The following SLC7A5 variants were observed in gnomAD, a reference collection of about 807,000 sequenced individuals.
SLC7A5 encodes large neutral amino acids transporter small subunit 1.
SLC7A5 carries 23 observed loss-of-function variants against 50.2 expected under a neutral mutation model. The ratio of observed to expected loss-of-function variants is 0.46; its 90% CI spans 0.33 to 0.65. The LOEUF is 0.65. Ranked by LOEUF, SLC7A5 falls within the 30% of genes least tolerant of loss-of-function variation. SLC7A5 has a pLI of 0.02. For missense variants in SLC7A5, 578 were observed against 684.4 expected, an observed-to-expected ratio of 0.84 and a Z score of 1.73; for synonymous variants, 393 against 330.6, an observed-to-expected ratio of 1.19 and a Z score of -2.05.
chr16:87,859,673 G>C (rs2055364111), intron 1 of SLC7A5, among the ~76,000 whole-genome samples: 3 of 152,170 alleles, frequency 2.0e-5, no homozygotes, highest in Admixed American at 1.3e-4. Flanking sequence ...TGGCTCAGTG[G>C]CTCATGCCTG....
At position 87,858,119 on chromosome 16, in the gene SLC7A5, C is replaced by A. The variant is rs561712388; in HGVS notation, c.539-6270G>T. On this transcript the variant is annotated intron_variant, in intron 1 of 9. Transcript: ENST00000261622. Reference sequence around the variant, plus strand: ...CCAGGGCTGACAGGAAGGGCCACCGCTCCCTCTGAAACTCTGAAACCAGGC... The same window carrying A: ...CCAGGGCTGACAGGAAGGGCCACCGATCCCTCTGAAACTCTGAAACCAGGC... Among the ~76,000 whole-genome samples the A allele has an allele frequency of 6.4e-4, 97 of 152,326 alleles. 1 individual carries two copies. Among genetic ancestry groups the A allele is most frequent in the African/African-American group, 2.2e-3 (92 of 41,578 alleles).
Position 87,851,757 on chromosome 16 carries a change from T to C in SLC7A5, c.631A>G (p.Ile211Val). The C allele has an allele frequency of 6.2e-7, 1 of 1,613,050 alleles. No homozygotes were observed. The highest frequency in any genetic ancestry group is 2.2e-5 in the East Asian group (1 of 44,866). ...AAAKLLALAL[I>V]ILLGFVQIGK... The stretch of plus-strand genomic sequence containing the variant: ...ATCTGGACGAAGCCCAGCAGGATGA[T>C]CAGGGCCAGGGCCAGGAGCTTGGCG... The change falls in exon 2 of 10, where the codon ATC (isoleucine) becomes GTC (valine). Residue 211 changes from isoleucine (I) to valine (V), a missense_variant. By Grantham distance (29) the Ile-to-Val change is conservative. Transcript: ENST00000261622.
At chr16:87,838,892 T>C in intron 5 of SLC7A5, 75 bp from the exon 6 acceptor site, 1 of 1,083,286 alleles carries the variant, frequency 9.2e-7, no homozygotes, top group Non-Finnish European at 1.4e-6. Flanking sequence ...GGGAGCCCTC[T>C]GCACCGGGCC....
intron 2 of SLC7A5, among the ~76,000 whole-genome samples, chr16:87,842,036 G>A (rs925951722): frequency 3.3e-5 from 5 of 152,134 alleles, no homozygotes; most frequent in Admixed American, 1.3e-4. Context: ...TGGTGTGTTC[G>A]AGCCCGGAAT....
chr16:87,836,399 G>A, intron 8 of SLC7A5, 99 bp downstream of exon 8: 2 of 1,402,458 alleles, frequency 1.4e-6, no homozygotes, highest in South Asian at 1.2e-5. Flanking sequence ...CAGGTCCAGA[G>A]GCTGAGCTGG....
At position 87,853,229 on chromosome 16, in the gene SLC7A5, C is replaced by G. The variant is rs544505317; in HGVS notation, c.539-1380G>C. On this transcript the variant is annotated intron_variant, in intron 1 of 9. Coordinates refer to ENST00000261622, the MANE Select transcript of SLC7A5 (RefSeq NM_003486.7). The surrounding 1 kb of genome is among the most constrained non-coding windows in gnomAD (Gnocchi z 4.4). ...ATCTTACAATGTAAGCAACAGACCC[C>G]GAGGAAAGACATCCATGCTAATTAA... is the stretch of plus-strand genomic sequence containing the variant. Among the ~76,000 whole-genome samples the G allele has an allele frequency of 2.0e-5, 3 of 152,178 alleles. No individual in the cohort carries two copies. Among genetic ancestry groups the G allele is most frequent in the Non-Finnish European group, 4.4e-5 (3 of 68,026 alleles).
rs1015573132 is a variant in SLC7A5, at chr16:87,869,478, G to C, written c.-56C>G. 2.6e-6 allele frequency: 3 copies of C among 1,174,046 alleles called. No homozygotes were observed. In the African/African-American group the frequency reaches 4.9e-5, roughly 19 times the overall value. The allele number at this position is 1,174,046 out of a possible 1,614,324, so 72.7% of individuals were successfully genotyped here. ...CGGGAGCCGCGGCCCAGCGAGCAGTGTGCGCGCCGCCCGCCGCCCGCAGCT... is the reference window on the plus strand; with the variant it reads ...CGGGAGCCGCGGCCCAGCGAGCAGTCTGCGCGCCGCCCGCCGCCCGCAGCT... On this transcript the variant is annotated 5_prime_UTR_variant, in exon 1 of 10. Transcript: ENST00000261622.
chr16:87,840,434 G>A lies in SLC7A5; in HGVS notation c.810C>T (p.Pro270=), dbSNP rs767228801. The A allele has an allele frequency of 1.2e-6, 2 of 1,612,128 alleles. No homozygotes were observed. The highest frequency in any genetic ancestry group is 2.2e-5 in the South Asian group (2 of 91,038). ...CCATCCATTCTTGCACGTACCTGTA[G>A]GGGTTGATCATTTCCTCTGTGACGA... ...LNFVTEEMIN[P]YRNLPLAIII... is the part of the protein sequence containing the mutation. Residue 270 remains proline, a synonymous_variant, in exon 4 of 10, where the codon CCC becomes CCT. Coordinates refer to ENST00000261622, the MANE Select transcript of SLC7A5 (RefSeq NM_003486.7).
At chr16:87,836,679 G>A in intron 7 of SLC7A5, 32 bp from the exon 8 acceptor site, 1 of 1,607,980 alleles carries the variant, frequency 6.2e-7, no homozygotes, top group Non-Finnish European at 8.5e-7. Context: ...CTGAGCCCTG[G>A]GGCCCACGAG....
At position 87,838,681 on chromosome 16, in the gene SLC7A5, T is replaced by G. The variant is rs772231895; in HGVS notation, c.1043+33A>C. 19 of 1,525,376 alleles carry G rather than the reference T, an allele frequency of 1.2e-5. No individual in the cohort carries two copies. In the African/African-American group the frequency reaches 2.2e-4, roughly 18 times the overall value. The allele number at this position is 1,525,376 out of a possible 1,614,324, so 94.5% of individuals were successfully genotyped here. A position where few individuals can be genotyped will look rare whatever the true frequency, so the allele number is the denominator to read the frequency against. ...TGAACCTGGCCATGAGGCCTGGGCC[T>G]CCCTCACCTGTGGTGGGTCGGGCTG... On this transcript the variant is annotated intron_variant, in intron 6 of 9. Transcript: ENST00000261622.
intron 1 of SLC7A5, among the ~76,000 whole-genome samples, chr16:87,855,956 C>T (rs73234418): frequency 0.28 from 42,946 of 152,098 alleles, 7,281 homozygotes; most frequent in African/African-American, 0.47. Flanking sequence ...CTCCCTGGGC[C>T]GCCGGTCCTC....
At chr16:87,842,575 C>T (rs927614487) in intron 2 of SLC7A5, among the ~76,000 whole-genome samples, 3 of 152,220 alleles carry the variant, frequency 2.0e-5, no homozygotes, top group African/African-American at 7.2e-5. Flanking sequence ...CCTGCTTCCC[C>T]GTGGCGTGCT....
chr16:87,840,646 G>A (rs1023640164), intron 3 of SLC7A5, among the ~76,000 whole-genome samples, 173 bp from the exon 4 acceptor site: 8 of 152,154 alleles, frequency 5.3e-5, no homozygotes, highest in Non-Finnish European at 1.0e-4. Context: ...GTTCCGGGGG[G>A]TCCCTGCTAC....
chr16:87,851,635 G>A, intron 2 of SLC7A5, 89 bp downstream of exon 2: 1 of 1,508,670 alleles, frequency 6.6e-7, no homozygotes, highest in Non-Finnish European at 9.1e-7. Flanking sequence ...CGGACTGGGA[G>A]GCACCCGGGG....
chr16:87,845,228 G>A (rs2055136686), intron 2 of SLC7A5, among the ~76,000 whole-genome samples: 1 of 152,232 alleles, frequency 6.6e-6, no homozygotes, highest in African/African-American at 2.4e-5. Flanking sequence ...TCAGGGGCAG[G>A]ACAGCTGCAG....
chr16:87,849,713 C>A (rs949734950), intron 2 of SLC7A5, among the ~76,000 whole-genome samples: 1 of 152,098 alleles, frequency 6.6e-6, no homozygotes, highest in Non-Finnish European at 1.5e-5. Flanking sequence ...GCTCGTCTTG[C>A]CTTGAGTAAG....
In SLC7A5 at chr16:87,852,316, A is replaced by T. The variant is rs367797039; in HGVS notation, c.539-467T>A. Among the ~76,000 whole-genome samples the T allele has an allele frequency of 5.3e-5, 8 of 152,032 alleles. No individual in the cohort carries two copies. In the East Asian group the frequency reaches 7.7e-4, roughly 15 times the overall value. The stretch of plus-strand genomic sequence containing the variant: ...TCCATGAGGGCGGGGCCCTTTCCTC[A>T]AAGAGGATCTTCTGTGGATTCCAAC... On this transcript the variant is annotated intron_variant, in intron 1 of 9. Transcript: ENST00000261622. This position sits in a 1 kb window ranked among gnomAD's most constrained non-coding sequence, Gnocchi z 4.5.
rs1360588521 is a variant in SLC7A5, at chr16:87,850,561, T to C, written c.664+1163A>G. On this transcript the variant is annotated intron_variant, in intron 2 of 9. Transcript: ENST00000261622. ...AAGCTCCACAGCTCCAGGACTGGGA[T>C]CATCTCTACCTGAGGCTCTGGGAGA... Among the ~76,000 whole-genome samples the C allele has an allele frequency of 3.3e-5, 5 of 152,172 alleles. 1 individual carries two copies. The South Asian group carries it at 1.0e-3, about 31-fold the overall frequency.
chr16:87,838,291 C>CTT lies in SLC7A5; in HGVS notation c.1044-352_1044-351dup, dbSNP rs58144270. On this transcript the variant is annotated intron_variant, in intron 6 of 9. Transcript: ENST00000261622. ...CTGTATTATTTGGGCTTGCTGCTGC[C>CTT]TTTTTTTTTTTTTTTTTTTTGAGAT... Among the ~76,000 whole-genome samples, 143 of 120,042 alleles carry CTT rather than the reference C, an allele frequency of 1.2e-3. 1 individual carries two copies. The highest frequency in any genetic ancestry group is 4.2e-3 in the Middle Eastern group (1 of 236). The allele number at this position is 120,042 out of a possible 152,430, so 78.8% of individuals were successfully genotyped here.
Sources: gnomAD v4.1 joint callset for allele counts (sites outside exome capture counted in the v4.1 genomes callset) on GRCh38, gnomAD v4.1.1 for gene constraint, Gnocchi (gnomAD v3.1) non-coding constraint, MANE v1.5 for transcripts, NCBI Gene and HGNC (gene_info 2026-07-23, HGNC 2026-07-21) for gene names.